MECOM: variants seen among roughly 807,000 people sequenced by gnomAD.
MECOM encodes histone-lysine N-methyltransferase MECOM.
Under a neutral mutation model 116.3 loss-of-function variants are expected in MECOM, and 13 were observed. The observed-to-expected ratio is 0.11, with a 90% confidence interval of 0.07 to 0.18. MECOM has a LOEUF of 0.18. Among genes scored for constraint, MECOM ranks in the 10% least tolerant of loss-of-function variants. The pLI is 1.00. For missense variants in MECOM, 1,299 were observed against 1,509.0 expected (o/e 0.86, Z 2.31); for synonymous variants, 528 against 535.2 (o/e 0.99, Z 0.19).
At chr3:169,142,222 G>A (rs2859868) in intron 3 of MECOM, among the ~76,000 whole-genome samples, 61,841 of 151,656 alleles carry the variant, frequency 0.41, 15,204 homozygotes, top group Non-Finnish European at 0.56. Context: ...TACAAGTCCC[G>A]TTCTTAAATC....
chr3:169,529,594 T>C (rs79930271), intron 1 of MECOM, among the ~76,000 whole-genome samples: 4,109 of 152,276 alleles, frequency 0.027, 178 homozygotes, highest in African/African-American at 0.094. Context: ...AAGGATGAGA[T>C]CCACCTGTAG....
At chr3:169,446,097 C>T (rs1359109038) in intron 1 of MECOM, among the ~76,000 whole-genome samples, 2 of 152,096 alleles carry the variant, frequency 1.3e-5, no homozygotes, top group East Asian at 3.9e-4. Context: ...TGAGTTAATG[C>T]TGAAATTAGT....
At chr3:169,086,568 A>G (rs889081368) in intron 16 of MECOM, 4 of 701,396 alleles carry the variant, frequency 5.7e-6, no homozygotes, top group African/African-American at 5.2e-5. Flanking sequence ...CTTTCCTCCT[A>G]TAAAACAGAT....
intron 2 of MECOM, among the ~76,000 whole-genome samples, chr3:169,159,395 T>C (rs1244449775): frequency 6.6e-6 from 1 of 151,930 alleles, no homozygotes; most frequent in Non-Finnish European, 1.5e-5. Context: ...CTGTCTCTAC[T>C]AAAAATACAA....
chr3:169,321,901 A>T (rs545440041), intron 2 of MECOM, among the ~76,000 whole-genome samples: 1 of 152,282 alleles, frequency 6.6e-6, no homozygotes, highest in African/African-American at 2.4e-5. Context: ...AACTAATGAA[A>T]CTGGATTTCT....
chr3:169,338,314 A>C (rs1723913239), intron 2 of MECOM, among the ~76,000 whole-genome samples: 2 of 152,034 alleles, frequency 1.3e-5, no homozygotes, highest in Admixed American at 1.3e-4. Context: ...GTCTCATAGC[A>C]CCTCCGCCTT....
chr3:169,478,874 C>G (rs1428046684), intron 1 of MECOM, among the ~76,000 whole-genome samples: 2 of 152,174 alleles, frequency 1.3e-5, no homozygotes, highest in Non-Finnish European at 2.9e-5. Flanking sequence ...ATTAACCATA[C>G]AGAGCCAGCA....
chr3:169,158,294 T>C (rs1026706918), intron 2 of MECOM, among the ~76,000 whole-genome samples: 3 of 152,194 alleles, frequency 2.0e-5, no homozygotes, highest in African/African-American at 7.2e-5. Context: ...TATAAAAGTC[T>C]TCATAAAATA....
chr3:169,483,231 G>T (rs988461680), intron 1 of MECOM, among the ~76,000 whole-genome samples: 1 of 108,534 alleles, frequency 9.2e-6, no homozygotes, highest in Non-Finnish European at 1.9e-5. Flanking sequence ...CCAGAAACCC[G>T]CATTTTATTG....
intron 1 of MECOM, among the ~76,000 whole-genome samples, chr3:169,478,269 A>G (rs1750778307): frequency 6.6e-6 from 1 of 152,168 alleles, no homozygotes; most frequent in African/African-American, 2.4e-5. Flanking sequence ...GAAAAGTATT[A>G]ATATTGACAA....
chr3:169,472,865 C>G, intron 1 of MECOM: 1 of 516,410 alleles, frequency 1.9e-6, no homozygotes, highest in Non-Finnish European at 2.5e-6. Context: ...AAGACAAGGT[C>G]TTAATGACTG....
chr3:169,327,261 T>C (rs1721990188), intron 2 of MECOM, among the ~76,000 whole-genome samples: 1 of 152,190 alleles, frequency 6.6e-6, no homozygotes, highest in Admixed American at 6.5e-5. Flanking sequence ...TATGGTAGTA[T>C]AGGTTGATTT....
At chr3:169,107,869 G>A (rs1725950850) in intron 10 of MECOM, 57 bp downstream of exon 10, 1 of 1,411,012 alleles carries the variant, frequency 7.1e-7, no homozygotes, top group Non-Finnish European at 1.0e-6. Context: ...TAGAATGTAA[G>A]CTGTTTTCTT....
At position 169,411,742 on chromosome 3, in the gene MECOM, G is replaced by A. The variant is rs565385910; in HGVS notation, c.38-30218C>T. On this transcript the variant is annotated intron_variant, in intron 1 of 16. Transcript: ENST00000651503. Reference sequence around the variant, plus strand: ...GCAGTGGCTCATGCCTGTAATCCCGGCACTTTGGGAGGCCAAGGTGGGAAG... The same window carrying A: ...GCAGTGGCTCATGCCTGTAATCCCGACACTTTGGGAGGCCAAGGTGGGAAG... 4.5e-4 allele frequency among the ~76,000 whole-genome samples: 68 copies of A among 152,320 alleles called. 1 individual carries two copies. The highest frequency in any genetic ancestry group is 1.6e-3 in the African/African-American group (65 of 41,576).
intron 1 of MECOM, among the ~76,000 whole-genome samples, chr3:169,407,876 A>G (rs1736943982): frequency 6.6e-6 from 1 of 152,202 alleles, no homozygotes; most frequent in African/African-American, 2.4e-5. Context: ...CCACTTCTTG[A>G]TGGTTATCCA....
At position 169,478,861 on chromosome 3, in the gene MECOM, C is replaced by T. The variant is rs16853806; in HGVS notation, c.38-97337G>A. 0.014 allele frequency among the ~76,000 whole-genome samples: 2,195 copies of T among 152,266 alleles called. 164 individuals are homozygous for T. The East Asian group carries it at 0.24, about 17-fold the overall frequency. ...GGGTCATTTTACAATTCAGAGAGCA[C>T]AGATTAACCATACAGAGCCAGCAGT... On this transcript the variant is annotated intron_variant, in intron 1 of 16. Coordinates refer to ENST00000651503, the MANE Select transcript of MECOM (RefSeq NM_004991.4).
intron 16 of MECOM, among the ~76,000 whole-genome samples, chr3:169,087,228 G>C (rs1718079896): frequency 6.6e-6 from 1 of 152,056 alleles, no homozygotes; most frequent in Non-Finnish European, 1.5e-5. Context: ...GGCAGTTTCT[G>C]GAGTGTTTAG....
chr3:169,509,399 C>T (rs1755686150), intron 1 of MECOM, among the ~76,000 whole-genome samples: 1 of 152,158 alleles, frequency 6.6e-6, no homozygotes, highest in East Asian at 1.9e-4. Flanking sequence ...AGTTCAGTGA[C>T]ATTAAGTACC....
intron 2 of MECOM, among the ~76,000 whole-genome samples, chr3:169,194,131 T>C (rs1283088942): frequency 6.6e-6 from 1 of 152,022 alleles, no homozygotes; most frequent in African/African-American, 2.4e-5. Context: ...TCAAGATGAA[T>C]AAGCATGATT....
Sources: allele counts gnomAD v4.1 joint callset (sites outside exome capture counted in the v4.1 genomes callset), GRCh38; gene constraint gnomAD v4.1.1; transcripts MANE v1.5; gene names NCBI Gene and HGNC (gene_info 2026-07-23, HGNC 2026-07-21).